Variants in NFASC observed in about 807,000 individuals in gnomAD.
NFASC encodes neurofascin, also known as neurofascin homolog.
NFASC carries 43 observed loss-of-function variants against 147.5 expected under a neutral mutation model. That is an observed-to-expected ratio of 0.29 (90% CI 0.23 to 0.38). NFASC has a LOEUF of 0.38. NFASC is among the 10% of genes least tolerant of loss of function. The probability of loss-of-function intolerance (pLI) is 1.00; values close to 1 mark genes in which losing one functional copy is unlikely to be tolerated. For synonymous variants in NFASC, 622 were observed against 665.5 expected (o/e 0.93, Z 1.01); for missense variants, 1,320 against 1,689.0 (o/e 0.78, Z 3.83).
intron 1 of NFASC, among the ~76,000 whole-genome samples, chr1:204,912,497 G>T (rs1273958728): frequency 2.0e-5 from 3 of 151,414 alleles, no homozygotes; most frequent in Non-Finnish European, 4.4e-5. Flanking sequence ...AAGAGTTCAA[G>T]ACCAGCCTGG....
rs763553529 is a variant in NFASC, at chr1:204,975,438, C to T, written c.1706+20C>T. 8.7e-6 allele frequency: 14 copies of T among 1,601,096 alleles called. No individual in the cohort carries two copies. In the Middle Eastern group the frequency reaches 6.6e-4, roughly 76 times the overall value. On this transcript the variant is annotated intron_variant, in intron 15 of 29. Coordinates refer to ENST00000339876, the MANE Select transcript of NFASC (RefSeq NM_001005388.3). This position sits in a 1 kb window ranked among gnomAD's most constrained non-coding sequence, Gnocchi z 4.0. ...AAACAGGTTTCTCTTCCCCCTTCCC[C>T]CTTCCTAGTGCTAGTTTGAGGCGCA...
Position 204,962,436 on chromosome 1 carries a change from G to T in NFASC, c.706+4610G>T, listed in dbSNP as rs539138643. Among the ~76,000 whole-genome samples, 8 of 152,322 alleles carry T rather than the reference G, an allele frequency of 5.3e-5. 1 individual carries two copies. The South Asian group carries it at 1.4e-3, about 28-fold the overall frequency. ...GGACTTCAAAAGAACTTCTTGAAAA[G>T]CAGGAACTTTTACTGAAAAAGTAGA... is the stretch of plus-strand genomic sequence containing the variant. On this transcript the variant is annotated intron_variant, in intron 8 of 29. Transcript: ENST00000339876.
chr1:204,933,272 T>C (rs1019074430), intron 2 of NFASC, among the ~76,000 whole-genome samples: 8 of 152,076 alleles, frequency 5.3e-5, no homozygotes, highest in Admixed American at 2.0e-4. Flanking sequence ...GAGACATGTA[T>C]GTGAAAGGTG....
chr1:204,937,652 A>G (rs1043916855), intron 2 of NFASC, among the ~76,000 whole-genome samples: 4 of 152,260 alleles, frequency 2.6e-5, no homozygotes, highest in Admixed American at 1.3e-4. Context: ...GCACTGAGTA[A>G]TATTCCATTG....
Position 204,920,627 on chromosome 1 carries a change from G to C in NFASC, c.-199-5G>C, listed in dbSNP as rs147296640. ...GGGGTTCTCCTTTGTGCTTGCTTGA[G>C]ACAGGTTGATTGACTTATGTGCAAT... On this transcript the variant is annotated splice_region_variant and splice_polypyrimidine_tract_variant and intron_variant, in intron 1 of 29. Coordinates refer to ENST00000339876, the MANE Select transcript of NFASC (RefSeq NM_001005388.3). 7.8e-7 allele frequency: 1 copy of C among 1,280,856 alleles called. No individual in the cohort carries two copies. Among genetic ancestry groups the C allele is most frequent in the South Asian group, 1.2e-5 (1 of 80,856 alleles). The allele number at this position is 1,280,856 out of a possible 1,614,324, so 79.3% of individuals were successfully genotyped here.
intron 8 of NFASC, chr1:204,967,976 G>T: frequency 2.8e-6 from 1 of 358,324 alleles, no homozygotes; most frequent in Non-Finnish European, 5.2e-6. Context: ...CCCGTTCCAG[G>T]GAAGGGGAGA....
rs1574060627 is a variant in NFASC, at chr1:204,978,760, G to A, written c.1877-208G>A. ...CACCCATTGATATTCTTTGTGGGGG[G>A]GGGCTGGGATTTCAGGAGTCTCCTC... On this transcript the variant is annotated intron_variant, in intron 17 of 29. Coordinates refer to ENST00000339876, the MANE Select transcript of NFASC (RefSeq NM_001005388.3). Among the ~76,000 whole-genome samples, 3 of 152,294 alleles carry A rather than the reference G, an allele frequency of 2.0e-5. No individual in the cohort carries two copies. In the East Asian group the frequency reaches 5.8e-4, roughly 29 times the overall value.
In NFASC at chr1:204,978,981, G is replaced by T; in HGVS notation, c.1890G>T (p.Arg630=). 1 of 1,556,164 alleles carries T rather than the reference G, an allele frequency of 6.4e-7. No individual in the cohort carries two copies. The highest frequency in any genetic ancestry group is 8.7e-7 in the Non-Finnish European group (1 of 1,149,224). The stretch of plus-strand genomic sequence containing the variant: ...TTCTGCCACCAGGACGGCCAGACCG[G>T]CCCCGGGACCTGGAGCTGACCGACC... ...LAALPKGRPD[R]PRDLELTDLA... The change falls in exon 18 of 30, where the codon CGG becomes CGT. Residue 630 remains arginine, a synonymous_variant. Coordinates refer to ENST00000339876, the MANE Select transcript of NFASC (RefSeq NM_001005388.3).
At chr1:204,861,996 T>C (rs544125777) in intron 1 of NFASC, among the ~76,000 whole-genome samples, 2 of 152,194 alleles carry the variant, frequency 1.3e-5, no homozygotes, top group African/African-American at 4.8e-5. Flanking sequence ...TTTTTAGTGG[T>C]GTTACCAGAT....
intron 28 of NFASC, 184 bp from the exon 29 acceptor site, chr1:205,012,613 T>G: frequency 1.6e-6 from 1 of 616,070 alleles, no homozygotes. Context: ...GGAGGCAGAG[T>G]CAACTTGGCA....
At chr1:204,906,231 C>T (rs1572809071) in intron 1 of NFASC, among the ~76,000 whole-genome samples, 1 of 152,138 alleles carries the variant, frequency 6.6e-6, no homozygotes, top group South Asian at 2.1e-4. Context: ...TTACACAGAA[C>T]AAAATTCACC....
At chr1:204,911,859 G>A (rs1179988803) in intron 1 of NFASC, among the ~76,000 whole-genome samples, 1 of 152,082 alleles carries the variant, frequency 6.6e-6, no homozygotes, top group Non-Finnish European at 1.5e-5. Flanking sequence ...GGCAGTTTGT[G>A]TTTTTTGAGA....
At chr1:204,857,940 A>T (rs1380032373) in intron 1 of NFASC, among the ~76,000 whole-genome samples, 5 of 91,634 alleles carry the variant, frequency 5.5e-5, no homozygotes, top group East Asian at 8.3e-4. Flanking sequence ...TTTTTTTGAG[A>T]TGGAGTTTCA....
intron 1 of NFASC, among the ~76,000 whole-genome samples, chr1:204,899,646 G>T (rs2084124100): frequency 6.6e-6 from 1 of 152,158 alleles, no homozygotes; most frequent in African/African-American, 2.4e-5. Context: ...GCTGATGTTA[G>T]GGAAAGAAAG....
intron 23 of NFASC, chr1:204,989,942 G>A (rs1182446719): frequency 1.3e-5 from 2 of 152,232 alleles, no homozygotes; most frequent in African/African-American, 2.4e-5. Flanking sequence ...CCCAGACGGG[G>A]TCTTCTGAAT....
At chr1:204,963,482 T>C (rs1311736479) in intron 8 of NFASC, among the ~76,000 whole-genome samples, 1 of 152,212 alleles carries the variant, frequency 6.6e-6, no homozygotes, top group Non-Finnish European at 1.5e-5. Context: ...AGATAAGCCA[T>C]ACAGGGGAAC....
chr1:204,883,785 A>G (rs1460303864), intron 1 of NFASC, among the ~76,000 whole-genome samples: 1 of 152,160 alleles, frequency 6.6e-6, no homozygotes, highest in Non-Finnish European at 1.5e-5. Context: ...TAGTCTGGCC[A>G]TAGAACCACA....
intron 8 of NFASC, among the ~76,000 whole-genome samples, chr1:204,958,963 G>A (rs1403014080): frequency 1.3e-5 from 2 of 151,950 alleles, no homozygotes; most frequent in Non-Finnish European, 2.9e-5. Flanking sequence ...GCAGAGGCTG[G>A]TGGTCCTGAG....
intron 1 of NFASC, among the ~76,000 whole-genome samples, chr1:204,917,784 GCTTAT>G (rs1039814656): frequency 7.2e-5 from 11 of 152,008 alleles, no homozygotes; most frequent in African/African-American, 2.7e-4. Flanking sequence ...GTATGTTTAG[GCTTAT>G]CTTGTATGTT....
Sources: gnomAD v4.1 joint callset for allele counts (sites outside exome capture counted in the v4.1 genomes callset) on GRCh38, gnomAD v4.1.1 for gene constraint, Gnocchi (gnomAD v3.1) non-coding constraint, MANE v1.5 for transcripts, NCBI Gene and HGNC (gene_info 2026-07-23, HGNC 2026-07-21) for gene names.